Variants in MOCOS observed in about 807,000 individuals in gnomAD.
The protein encoded by MOCOS is molybdenum cofactor sulfurase.
In MOCOS, 86 loss-of-function variants were observed where a neutral mutation model predicts 83.6. That is an observed-to-expected ratio of 1.03 (90% CI 0.86 to 1.23). The LOEUF (loss-of-function observed/expected upper bound fraction) is 1.23, where lower values mean the gene tolerates loss of function less well. MOCOS is among the 50% of genes most tolerant of loss of function. The pLI is 0.00. For missense variants in MOCOS, 1,120 were observed against 1,126.9 expected (o/e 0.99, Z 0.09); for synonymous variants, 445 against 434.7 (o/e 1.02, Z -0.29).
rs1246273380 is a variant in MOCOS, at chr18:36,251,179, G to A, written c.2060G>A (p.Gly687Glu). 1 of 1,613,434 alleles carries A rather than the reference G, an allele frequency of 6.2e-7. No homozygotes were observed. The highest frequency in any genetic ancestry group is 1.7e-5 in the Admixed American group (1 of 60,024). The change falls in exon 11 of 15, where the codon GGA becomes GAA. Residue 687 changes from glycine (G) to glutamate (E), a missense_variant. Coordinates refer to ENST00000261326, the MANE Select transcript of MOCOS (RefSeq NM_017947.4). ...GCCAGAGTAAGTACTTATGATTGTG[G>A]AGAAAAAATTTCAAGCTGGTTGTCA... is the stretch of plus-strand genomic sequence containing the variant. ...CADRVSTYDC[G>E]EKISSWLSTF...
At chr18:36,238,583 T>G in intron 9 of MOCOS, among the ~76,000 whole-genome samples, 1 of 147,878 alleles carries the variant, frequency 6.8e-6, no homozygotes, top group African/African-American at 2.5e-5. Context: ...ATAGGTGTGG[T>G]GTGGTGCTGA....
chr18:36,200,235 A>G lies in MOCOS; in HGVS notation c.852A>G (p.Leu284=), dbSNP rs1598871865. Residue 284 remains leucine (L), a synonymous_variant, in exon 4 of 15, where the codon CTA becomes CTG. Coordinates refer to ENST00000261326, the MANE Select transcript of MOCOS (RefSeq NM_017947.4). ...ALLVHNRAAP[L]LRKTYFGGGT... Reference sequence around the variant, plus strand: ...TGGTCCATAATCGTGCGGCTCCTCTACTGAGGAAGACCTACTTTGGAGGAG... The same window carrying G: ...TGGTCCATAATCGTGCGGCTCCTCTGCTGAGGAAGACCTACTTTGGAGGAG... The G allele has an allele frequency of 1.2e-5, 19 of 1,614,148 alleles. No homozygotes were observed. Among genetic ancestry groups the G allele is most frequent in the African/African-American group, 2.7e-5 (2 of 75,038 alleles).
In MOCOS at chr18:36,198,729, A is replaced by G. The variant is rs2091400237; in HGVS notation, c.272A>G (p.His91Arg). The G allele has an allele frequency of 2.5e-6, 4 of 1,614,250 alleles. No individual in the cohort carries two copies. The highest frequency in any genetic ancestry group is 3.4e-6 in the Non-Finnish European group (4 of 1,180,038). Residue 91 changes from histidine (H) to arginine (R), a missense_variant, in exon 3 of 15, where the codon CAT becomes CGT. By Grantham distance (29) the His-to-Arg change is conservative (BLOSUM62 0). Coordinates refer to ENST00000261326, the MANE Select transcript of MOCOS (RefSeq NM_017947.4). ...HSQNISSKLTHDTVEQVRYRI... is the reference protein window; with the variant it reads ...HSQNISSKLTRDTVEQVRYRI... ...CAGAACATCAGCAGCAAGCTCACCCATGACACTGTGGAGCAGGTGCGCTAC... is the reference window on the plus strand; with the variant it reads ...CAGAACATCAGCAGCAAGCTCACCCGTGACACTGTGGAGCAGGTGCGCTAC...
chr18:36,200,410 G>C (rs2091408935), intron 4 of MOCOS, 86 bp downstream of exon 4: 4 of 1,537,858 alleles, frequency 2.6e-6, no homozygotes, highest in Non-Finnish European at 3.5e-6. Flanking sequence ...CAAGAGGTGG[G>C]TCTGGCTTTG....
At chr18:36,263,596 G>A (rs1302536527) in intron 13 of MOCOS, among the ~76,000 whole-genome samples, 1 of 152,162 alleles carries the variant, frequency 6.6e-6, no homozygotes, top group East Asian at 1.9e-4. Context: ...ACATGACACA[G>A]TCTGGGATGG....
chr18:36,199,884 C>A lies in MOCOS; in HGVS notation c.501C>A (p.Val167=). 1 of 1,613,984 alleles carries A rather than the reference C, an allele frequency of 6.2e-7. No homozygotes were observed. Among genetic ancestry groups the A allele is most frequent in the Admixed American group, 1.7e-5 (1 of 60,014 alleles). Residue 167 remains valine (V), a synonymous_variant, in exon 4 of 15, where the codon GTC becomes GTA. Transcript: ENST00000261326. ...GMRNVTMAIN[V]ISTPVRPEDL... Reference sequence around the variant, plus strand: ...GGAACGTGACCATGGCTATAAATGTCATATCCACCCCGGTCAGGCCAGAGG... The same window carrying A: ...GGAACGTGACCATGGCTATAAATGTAATATCCACCCCGGTCAGGCCAGAGG...
intron 13 of MOCOS, among the ~76,000 whole-genome samples, chr18:36,265,463 G>A (rs2144159090): frequency 6.6e-6 from 1 of 152,318 alleles, no homozygotes; most frequent in Non-Finnish European, 1.5e-5. Flanking sequence ...GATTAGGTGA[G>A]TGTTTCTAAT....
intron 11 of MOCOS, among the ~76,000 whole-genome samples, chr18:36,255,746 C>T (rs554907481): frequency 1.2e-4 from 18 of 152,288 alleles, no homozygotes; most frequent in Admixed American, 8.5e-4. Context: ...CTGGTCCAGG[C>T]AAACCTTTTC....
chr18:36,191,838 A>G (rs1598867975), intron 1 of MOCOS, among the ~76,000 whole-genome samples: 1 of 152,206 alleles, frequency 6.6e-6, no homozygotes, highest in African/African-American at 2.4e-5. Flanking sequence ...TTATCATGCT[A>G]TCTTCTATTT....
At chr18:36,224,745 C>G (rs2091509093) in intron 9 of MOCOS, among the ~76,000 whole-genome samples, 1 of 152,218 alleles carries the variant, frequency 6.6e-6, no homozygotes, top group East Asian at 1.9e-4. Context: ...CTTTGCCTGC[C>G]TTTAGTATCA....
intron 13 of MOCOS, among the ~76,000 whole-genome samples, chr18:36,266,524 C>A (rs118103472): frequency 6.6e-6 from 1 of 152,106 alleles, no homozygotes; most frequent in Non-Finnish European, 1.5e-5. Flanking sequence ...TCCTGAGAAC[C>A]GTCAAGATCT....
intron 11 of MOCOS, among the ~76,000 whole-genome samples, chr18:36,254,033 A>G (rs2091631865): frequency 2.6e-5 from 4 of 152,052 alleles, no homozygotes; most frequent in South Asian, 2.1e-4. Context: ...GCCTTGGTGG[A>G]ACAAAGGTGG....
chr18:36,255,453 T>A (rs1285081491), intron 11 of MOCOS, among the ~76,000 whole-genome samples: 1 of 152,176 alleles, frequency 6.6e-6, no homozygotes, highest in Non-Finnish European at 1.5e-5. Flanking sequence ...AGACTTTTAT[T>A]TTCTCAGCTC....
intron 12 of MOCOS, among the ~76,000 whole-genome samples, chr18:36,258,430 T>A (rs539156523): frequency 2.0e-5 from 3 of 152,302 alleles, no homozygotes; most frequent in African/African-American, 7.2e-5. Context: ...ATCAAAGGAT[T>A]TGAGGACTGG....
At position 36,212,425 on chromosome 18, in the gene MOCOS, C is replaced by T. The variant is rs16967571; in HGVS notation, c.1219-941C>T. On this transcript the variant is annotated intron_variant, in intron 6 of 14. Coordinates refer to ENST00000261326, the MANE Select transcript of MOCOS (RefSeq NM_017947.4). ...GGTCTCCCTAGTAGTTGCCTTGTGA[C>T]GGGAAACCTGACCTGGAGATGGAGT... is the stretch of plus-strand genomic sequence containing the variant. Among the ~76,000 whole-genome samples the T allele has an allele frequency of 6.9e-3, 1,056 of 152,190 alleles. 11 individuals are homozygous for T. Among genetic ancestry groups the T allele is most frequent in the African/African-American group, 0.023 (962 of 41,542 alleles).
At chr18:36,255,347 T>A (rs2091637784) in intron 11 of MOCOS, among the ~76,000 whole-genome samples, 1 of 152,236 alleles carries the variant, frequency 6.6e-6, no homozygotes, top group South Asian at 2.1e-4. Flanking sequence ...TTTCATCATC[T>A]GTCTCTTGAC....
rs780328227 is a variant in MOCOS at position 36,251,261 on chromosome 18, T to A, written c.2142T>A (p.Asn714Lys). 1.9e-6 allele frequency: 3 copies of A among 1,614,134 alleles called. No homozygotes were observed. The highest frequency in any genetic ancestry group is 1.1e-5 in the South Asian group (1 of 91,082). Reference sequence around the variant, plus strand: ...AACAAAGTTCAAACTCTCAAAGGAATGCAAAGAAGAAACATGGAAAAGGTA... The same window carrying A: ...AACAAAGTTCAAACTCTCAAAGGAAAGCAAAGAAGAAACATGGAAAAGGTA... The part of the protein sequence containing the change: ...LIKQSSNSQR[N>K]AKKKHGKDQL... The change falls in exon 11 of 15, where the codon AAT becomes AAA. Residue 714 changes from asparagine (N) to lysine (K), a missense_variant. Physicochemically the swap from Asn to Lys is moderately conservative, Grantham distance 94. Coordinates refer to ENST00000261326, the MANE Select transcript of MOCOS (RefSeq NM_017947.4).
chr18:36,194,705 T>G (rs540977896), intron 1 of MOCOS, among the ~76,000 whole-genome samples: 1 of 152,324 alleles, frequency 6.6e-6, no homozygotes, highest in East Asian at 1.9e-4. Context: ...ATTCACACAG[T>G]GAGGAATCCA....
At chr18:36,209,230 G>A (rs1315614498) in intron 6 of MOCOS, among the ~76,000 whole-genome samples, 1 of 151,344 alleles carries the variant, frequency 6.6e-6, no homozygotes, top group East Asian at 1.9e-4. Context: ...CCAGACTGGA[G>A]TTCAGTGGCA....
Sources: gnomAD v4.1 joint callset for allele counts (sites outside exome capture counted in the v4.1 genomes callset) on GRCh38, gnomAD v4.1.1 for gene constraint, MANE v1.5 for transcripts, NCBI Gene and HGNC (gene_info 2026-07-23, HGNC 2026-07-21) for gene names.